Variants in KCNH8 observed in about 807,000 individuals in gnomAD.
KCNH8 encodes potassium voltage-gated channel subfamily H member 8, also known as voltage-gated delayed rectifier potassium channel KCNH8.
KCNH8 carries 70 observed loss-of-function variants against 103.6 expected under a neutral mutation model. That is an observed-to-expected ratio of 0.68 (90% CI 0.56 to 0.82). The LOEUF (loss-of-function observed/expected upper bound fraction) is 0.82. Ranked by LOEUF, KCNH8 falls within the 40% of genes least tolerant of loss-of-function variation. The pLI is 0.00. For missense variants in KCNH8, 1,217 were observed against 1,329.9 expected (o/e 0.92, Z 1.32); for synonymous variants, 498 against 489.4 (o/e 1.02, Z -0.23).
chr3:19,479,385 T>C (rs1470166083), intron 11 of KCNH8, among the ~76,000 whole-genome samples: 1 of 152,200 alleles, frequency 6.6e-6, no homozygotes, highest in Non-Finnish European at 1.5e-5. Flanking sequence ...ATATCATCAG[T>C]TCTTTCATTA....
intron 1 of KCNH8, among the ~76,000 whole-genome samples, chr3:19,175,873 G>C (rs1176675690): frequency 6.6e-6 from 1 of 152,096 alleles, no homozygotes; most frequent in Non-Finnish European, 1.5e-5. Context: ...AAAGATCTGT[G>C]AGCTATTTAT....
chr3:19,519,389 A>G (rs769528636), intron 15 of KCNH8, among the ~76,000 whole-genome samples: 4 of 151,894 alleles, frequency 2.6e-5, no homozygotes, highest in Admixed American at 1.3e-4. Flanking sequence ...TAATAAGGGC[A>G]GACTGAGTAG....
chr3:19,244,299 G>A (rs1308127152), intron 1 of KCNH8, among the ~76,000 whole-genome samples: 2 of 152,140 alleles, frequency 1.3e-5, no homozygotes, highest in Non-Finnish European at 2.9e-5. Flanking sequence ...GCTTTGCAAA[G>A]GCAGGAGAAA....
At chr3:19,417,569 C>T (rs904208191) in intron 7 of KCNH8, among the ~76,000 whole-genome samples, 1 of 151,724 alleles carries the variant, frequency 6.6e-6, no homozygotes, top group Non-Finnish European at 1.5e-5. Flanking sequence ...AATGTAAGAC[C>T]TCAAATCTTC....
Position 19,290,794 on chromosome 3 carries a change from A to G in KCNH8, c.442+9465A>G, listed in dbSNP as rs934019912. ...GTTAGGGAGGATTCCCTCTTTTTCTATTGATTGGAATAGTTTCAGAAAGAA... is the reference window on the plus strand; with the variant it reads ...GTTAGGGAGGATTCCCTCTTTTTCTGTTGATTGGAATAGTTTCAGAAAGAA... On this transcript the variant is annotated intron_variant, in intron 3 of 15. Coordinates refer to ENST00000328405, the MANE Select transcript of KCNH8 (RefSeq NM_144633.3). 3.9e-5 allele frequency among the ~76,000 whole-genome samples: 6 copies of G among 152,146 alleles called. No individual in the cohort carries two copies. The East Asian group carries it at 1.2e-3, about 29-fold the overall frequency.
chr3:19,417,606 A>C (rs1339060802), intron 7 of KCNH8, among the ~76,000 whole-genome samples: 1 of 152,122 alleles, frequency 6.6e-6, no homozygotes, highest in Non-Finnish European at 1.5e-5. Context: ...TTTTTCGGTT[A>C]CCAGGAATAT....
At chr3:19,374,589 A>G (rs2066160534) in intron 5 of KCNH8, among the ~76,000 whole-genome samples, 1 of 151,990 alleles carries the variant, frequency 6.6e-6, no homozygotes, top group African/African-American at 2.4e-5. Flanking sequence ...TAATTGGAGC[A>G]TTTAGTCCAT....
intron 5 of KCNH8, among the ~76,000 whole-genome samples, chr3:19,376,907 T>C (rs968937359): frequency 6.6e-6 from 1 of 152,042 alleles, no homozygotes; most frequent in African/African-American, 2.4e-5. Context: ...CTTAAAAAAA[T>C]ATGAAGACAT....
In KCNH8 at chr3:19,387,952, A is replaced by C. The variant is rs185810141; in HGVS notation, c.812-2529A>C. ...ATACCTGTTGTTTTTTTTTTTCAGA[A>C]GTCTGAACCACTATTTTGTTCTTTA... is the stretch of plus-strand genomic sequence containing the variant. On this transcript the variant is annotated intron_variant, in intron 5 of 15. Transcript: ENST00000328405. 7.4e-4 allele frequency among the ~76,000 whole-genome samples: 113 copies of C among 151,744 alleles called. 1 individual carries two copies. Among genetic ancestry groups the C allele is most frequent in the Admixed American group, 7.3e-3 (112 of 15,240 alleles).
chr3:19,316,774 A>G (rs915558113), intron 3 of KCNH8, among the ~76,000 whole-genome samples: 1 of 151,990 alleles, frequency 6.6e-6, no homozygotes, highest in African/African-American at 2.4e-5. Context: ...CCTATGAATT[A>G]GCTGAGTTAC....
intron 5 of KCNH8, among the ~76,000 whole-genome samples, chr3:19,363,136 T>G (rs545218195): frequency 3.3e-5 from 5 of 152,296 alleles, no homozygotes; most frequent in Admixed American, 2.6e-4. Flanking sequence ...CAGGTACTTA[T>G]GCAGACTTGG....
chr3:19,246,277 T>G (rs13074855), intron 1 of KCNH8, among the ~76,000 whole-genome samples: 464 of 137,410 alleles, frequency 3.4e-3, no homozygotes, highest in South Asian at 9.6e-3. Context: ...TGTTGTTGTT[T>G]TTTTTTTTTT....
At chr3:19,503,408 C>T (rs2068628462) in intron 11 of KCNH8, among the ~76,000 whole-genome samples, 1 of 152,108 alleles carries the variant, frequency 6.6e-6, no homozygotes, top group Admixed American at 6.5e-5. Flanking sequence ...TACCATTTGA[C>T]CCAGCCATCC....
intron 1 of KCNH8, among the ~76,000 whole-genome samples, chr3:19,203,241 T>C (rs1201845237): frequency 6.6e-6 from 1 of 152,134 alleles, no homozygotes; most frequent in Non-Finnish European, 1.5e-5. Context: ...AAGGATGTTT[T>C]GTTAGAGCTC....
intron 11 of KCNH8, among the ~76,000 whole-genome samples, chr3:19,470,640 G>T (rs1363946873): frequency 6.6e-6 from 1 of 152,152 alleles, no homozygotes; most frequent in Non-Finnish European, 1.5e-5. Flanking sequence ...GTAGCATGGT[G>T]GTTTCCATGG....
At chr3:19,299,731 T>G (rs1249043261) in intron 3 of KCNH8, among the ~76,000 whole-genome samples, 5 of 152,028 alleles carry the variant, frequency 3.3e-5, no homozygotes, top group Non-Finnish European at 7.4e-5. Flanking sequence ...TCTAATATTT[T>G]CCAAAGAGTA....
chr3:19,377,213 A>C (rs931357071), intron 5 of KCNH8, among the ~76,000 whole-genome samples: 1 of 152,222 alleles, frequency 6.6e-6, no homozygotes, highest in Non-Finnish European at 1.5e-5. Flanking sequence ...TGGCAAGGAG[A>C]CAAATGAAAA....
At chr3:19,306,700 C>T (rs550584830) in intron 3 of KCNH8, among the ~76,000 whole-genome samples, 5 of 152,170 alleles carry the variant, frequency 3.3e-5, no homozygotes, top group Admixed American at 2.0e-4. Flanking sequence ...GCCCCAGAGC[C>T]AGAATTATTG....
chr3:19,497,926 T>C (rs1219849904), intron 11 of KCNH8, among the ~76,000 whole-genome samples: 2 of 152,208 alleles, frequency 1.3e-5, no homozygotes, highest in Non-Finnish European at 2.9e-5. Context: ...TGCTCCTCCC[T>C]TGAAGGCATA....
Sources: allele counts gnomAD v4.1 joint callset (sites outside exome capture counted in the v4.1 genomes callset), GRCh38; gene constraint gnomAD v4.1.1; transcripts MANE v1.5; gene names NCBI Gene and HGNC (gene_info 2026-07-23, HGNC 2026-07-21).